The following STK32A variants were observed in gnomAD, a reference collection of about 807,000 sequenced individuals.
STK32A encodes serine/threonine kinase 32A, also known as serine/threonine-protein kinase 32A.
Under a neutral mutation model 53.2 loss-of-function variants are expected in STK32A, and 41 were observed. The ratio of observed to expected loss-of-function variants is 0.77; its 90% CI spans 0.60 to 1.00. STK32A has a LOEUF of 1.00. Among genes scored for constraint, STK32A ranks in the 50% least tolerant of loss-of-function variants. The probability of loss-of-function intolerance (pLI) is 0.00; values close to 1 mark genes in which losing one functional copy is unlikely to be tolerated. For synonymous variants in STK32A, 166 were observed against 162.8 expected (o/e 1.02, Z -0.15); for missense variants, 458 against 485.8 (o/e 0.94, Z 0.54).
At chr5:147,297,192 G>A (rs1176363408) in intron 4 of STK32A, among the ~76,000 whole-genome samples, 4 of 152,106 alleles carry the variant, frequency 2.6e-5, no homozygotes, top group Admixed American at 6.6e-5. Flanking sequence ...AGAAACAAAT[G>A]TCTTGCTCAC....
At chr5:147,256,842 A>C (rs188554046) in intron 2 of STK32A, among the ~76,000 whole-genome samples, 1 of 151,994 alleles carries the variant, frequency 6.6e-6, no homozygotes, top group Admixed American at 6.6e-5. Flanking sequence ...TACAATAGCT[A>C]TCTTGGTCTT....
chr5:147,315,925 TA>T (rs969309559), intron 4 of STK32A, among the ~76,000 whole-genome samples: 2 of 151,840 alleles, frequency 1.3e-5, no homozygotes, highest in Non-Finnish European at 2.9e-5. Flanking sequence ...AAATGGAATG[TA>T]AAAAAAATGA....
chr5:147,308,722 T>C (rs1469394244), intron 4 of STK32A, among the ~76,000 whole-genome samples: 2 of 136,490 alleles, frequency 1.5e-5, no homozygotes, highest in African/African-American at 5.3e-5. Context: ...CCTAAGTCAC[T>C]AGAAGTTTTT....
intron 2 of STK32A, among the ~76,000 whole-genome samples, chr5:147,255,103 G>A (rs1004176449): frequency 9.9e-5 from 15 of 152,138 alleles, no homozygotes; most frequent in African/African-American, 3.6e-4. Context: ...TCCTGCCATT[G>A]CATGCCAGCC....
chr5:147,381,419 G>A (rs1165686241), intron 11 of STK32A, among the ~76,000 whole-genome samples: 1 of 152,112 alleles, frequency 6.6e-6, no homozygotes. Flanking sequence ...GAGGCAGGCG[G>A]ATCACTTGAG....
At chr5:147,305,222 T>C (rs942046943) in intron 4 of STK32A, among the ~76,000 whole-genome samples, 1 of 151,988 alleles carries the variant, frequency 6.6e-6, no homozygotes, top group Non-Finnish European at 1.5e-5. Flanking sequence ...GGAAAACATT[T>C]ATTGGGAGAA....
At chr5:147,373,721 G>A (rs1366651404) in intron 10 of STK32A, among the ~76,000 whole-genome samples, 1 of 152,024 alleles carries the variant, frequency 6.6e-6, no homozygotes, top group African/African-American at 2.4e-5. Flanking sequence ...ATTTATTTTA[G>A]CATTTGCCCC....
intron 1 of STK32A, among the ~76,000 whole-genome samples, chr5:147,238,984 C>A (rs1167734145): frequency 6.6e-6 from 1 of 152,042 alleles, no homozygotes; most frequent in Non-Finnish European, 1.5e-5. Context: ...GTATGTCTGT[C>A]CCATTCAACT....
At position 147,323,973 on chromosome 5, in the gene STK32A, G is replaced by A. The variant is rs1459729238; in HGVS notation, c.336G>A (p.Leu112=). The change falls in exon 5 of 13, where the codon CTG becomes CTA. Residue 112 remains leucine (L), a synonymous_variant. Coordinates refer to ENST00000397936, the MANE Select transcript of STK32A (RefSeq NM_001112724.2). ...LLLGGDLRYH[L]QQNVHFKEET... ...TGGGTGGAGACCTGCGTTATCACCT[G>A]CAACAGAACGTCCACTTCAAGGAAG... The A allele has an allele frequency of 6.2e-7, 1 of 1,613,166 alleles. No homozygotes were observed. Among genetic ancestry groups the A allele is most frequent in the Non-Finnish European group, 8.5e-7 (1 of 1,179,618 alleles).
At chr5:147,281,205 C>T (rs1196264403) in intron 4 of STK32A, among the ~76,000 whole-genome samples, 1 of 152,054 alleles carries the variant, frequency 6.6e-6, no homozygotes, top group Non-Finnish European at 1.5e-5. Flanking sequence ...GCTCTTGATG[C>T]CCCCCAAAAA....
intron 4 of STK32A, among the ~76,000 whole-genome samples, chr5:147,315,862 T>C (rs550342695): frequency 6.6e-6 from 1 of 152,192 alleles, no homozygotes; most frequent in Non-Finnish European, 1.5e-5. Context: ...TTTGAAAATA[T>C]GTACATACTT....
At chr5:147,322,834 C>T (rs1023526890) in intron 4 of STK32A, among the ~76,000 whole-genome samples, 2 of 152,142 alleles carry the variant, frequency 1.3e-5, no homozygotes, top group African/African-American at 4.8e-5. Context: ...CTCATCCCTA[C>T]ACTCCTTCCT....
At chr5:147,329,264 G>A (rs1380196991) in intron 5 of STK32A, among the ~76,000 whole-genome samples, 3 of 152,148 alleles carry the variant, frequency 2.0e-5, no homozygotes, top group Non-Finnish European at 4.4e-5. Flanking sequence ...TGTATAAGAT[G>A]CAGATAGAAA....
intron 4 of STK32A, among the ~76,000 whole-genome samples, chr5:147,316,896 A>C (rs933148030): frequency 6.6e-6 from 1 of 151,030 alleles, no homozygotes; most frequent in Non-Finnish European, 1.5e-5. Context: ...AGACTTAAAC[A>C]TACCTTTCCT....
Position 147,279,381 on chromosome 5 carries a change from T to C in STK32A, c.243T>C (p.Pro81=). 1 of 1,593,180 alleles carries C rather than the reference T, an allele frequency of 6.3e-7. No homozygotes were observed. Among genetic ancestry groups the C allele is most frequent in the Non-Finnish European group, 8.6e-7 (1 of 1,169,240 alleles). ...ELQIMQGLEH[P]FLVNLWYSFQ... is the part of the protein sequence containing the mutation. Reference sequence around the variant, plus strand: ...AGATCATGCAGGGTCTGGAGCACCCTTTCCTGGTTAATTTGTGGTGAGTAA... The same window carrying C: ...AGATCATGCAGGGTCTGGAGCACCCCTTCCTGGTTAATTTGTGGTGAGTAA... The change falls in exon 4 of 13, where the codon CCT becomes CCC. Residue 81 remains proline (P), a synonymous_variant. Transcript: ENST00000397936.
In STK32A at chr5:147,383,983, A is replaced by AAG. The variant is rs776293192; in HGVS notation, c.*1_*2dup. 2.3e-5 allele frequency: 37 copies of AAG among 1,602,358 alleles called. No homozygotes were observed. The highest frequency in any genetic ancestry group is 7.0e-5 in the Admixed American group (4 of 57,452). On this transcript the variant is annotated 3_prime_UTR_variant, in exon 13 of 13. Coordinates refer to ENST00000397936, the MANE Select transcript of STK32A (RefSeq NM_001112724.2). The stretch of plus-strand genomic sequence containing the variant: ...AGGATGGTCAGAATAACAACTTGTA[A>AAG]AGGCCTCATGTCTTCTTCTTGGGAC...
At chr5:147,289,674 T>C (rs1160408670) in intron 4 of STK32A, among the ~76,000 whole-genome samples, 1 of 151,964 alleles carries the variant, frequency 6.6e-6, no homozygotes, top group Non-Finnish European at 1.5e-5. Context: ...TATATATATG[T>C]GATATTTGAA....
chr5:147,379,916 A>G (rs1318853968), intron 11 of STK32A, among the ~76,000 whole-genome samples: 3 of 151,828 alleles, frequency 2.0e-5, no homozygotes, highest in Non-Finnish European at 4.4e-5. Context: ...CTTACCCCTC[A>G]TTTCATATTC....
chr5:147,309,515 T>A (rs1005633265), intron 4 of STK32A, among the ~76,000 whole-genome samples: 1 of 152,204 alleles, frequency 6.6e-6, no homozygotes, highest in Non-Finnish European at 1.5e-5. Context: ...TTCATTTTTG[T>A]TGCTGTTTAA....
Sources: gnomAD v4.1 joint callset for allele counts (sites outside exome capture counted in the v4.1 genomes callset) on GRCh38, gnomAD v4.1.1 for gene constraint, MANE v1.5 for transcripts, NCBI Gene and HGNC (gene_info 2026-07-23, HGNC 2026-07-21) for gene names.